Variants in PTPRD observed in about 807,000 individuals in gnomAD.
PTPRD encodes the protein protein tyrosine phosphatase receptor type D.
In PTPRD, 34 loss-of-function variants were observed where a neutral mutation model predicts 214.5. That is an observed-to-expected ratio of 0.16 (90% CI 0.12 to 0.21). The LOEUF (loss-of-function observed/expected upper bound fraction) is 0.21, where lower values mean the gene tolerates loss of function less well. Among genes scored for constraint, PTPRD ranks in the 10% least tolerant of loss-of-function variants. The pLI, the probability that PTPRD is intolerant of heterozygous loss-of-function variation, is 1.00. For synonymous variants in PTPRD, 1,128 were observed against 845.7 expected, an observed-to-expected ratio of 1.33 and a Z score of -5.79; for missense variants, 2,545 against 2,398.7, an observed-to-expected ratio of 1.06 and a Z score of -1.27.
At chr9:9,842,298 ATTTTTTTTTTTTT>A (rs138386194) in intron 5 of PTPRD, among the ~76,000 whole-genome samples, 77 of 91,402 alleles carry the variant, frequency 8.4e-4, no homozygotes, top group Admixed American at 4.4e-3. Context: ...GAAGGAGAGC[ATTTTTTTTTTTTT>A]TTTTTTTTTT....
chr9:9,037,099 A>G (rs1248513491), intron 10 of PTPRD, among the ~76,000 whole-genome samples: 1 of 152,176 alleles, frequency 6.6e-6, no homozygotes, highest in African/African-American at 2.4e-5. Flanking sequence ...AATAACAGGA[A>G]GTAACTCACT....
At chr9:10,202,668 A>G (rs2099431157) in intron 3 of PTPRD, among the ~76,000 whole-genome samples, 1 of 114,038 alleles carries the variant, frequency 8.8e-6, no homozygotes. Flanking sequence ...TAAAAATTAT[A>G]TGGATATATA....
chr9:8,589,274 G>A (rs1347427334), intron 14 of PTPRD, among the ~76,000 whole-genome samples: 1 of 152,138 alleles, frequency 6.6e-6, no homozygotes, highest in Admixed American at 6.5e-5. Flanking sequence ...CTGCTTCTCA[G>A]ATAAGTACAA....
At chr9:9,824,862 T>C (rs192569131) in intron 5 of PTPRD, among the ~76,000 whole-genome samples, 17 of 152,114 alleles carry the variant, frequency 1.1e-4, no homozygotes, top group Admixed American at 6.6e-4. Context: ...CCAGTATTCA[T>C]GTCCAGGCAC....
chr9:8,610,908 A>G (rs892270240), intron 14 of PTPRD, among the ~76,000 whole-genome samples: 1 of 152,258 alleles, frequency 6.6e-6, no homozygotes, highest in Admixed American at 6.5e-5. Flanking sequence ...GCCAGCTGCT[A>G]ACATGCTGAA....
intron 2 of PTPRD, among the ~76,000 whole-genome samples, chr9:10,540,234 G>A (rs989627991): frequency 1.3e-5 from 2 of 152,084 alleles, no homozygotes; most frequent in South Asian, 2.1e-4. Flanking sequence ...CACCATGCTG[G>A]CCAGACTGGT....
At chr9:8,950,368 C>A (rs1394062707) in intron 11 of PTPRD, among the ~76,000 whole-genome samples, 3 of 151,388 alleles carry the variant, frequency 2.0e-5, no homozygotes, top group Non-Finnish European at 4.4e-5. Context: ...AATTGACATC[C>A]AACATTTTAA....
At position 9,013,622 on chromosome 9, in the gene PTPRD, A is replaced by C. The variant is rs1294883590; in HGVS notation, c.-104+5075T>G. Among the ~76,000 whole-genome samples, 3 of 152,108 alleles carry C rather than the reference A, an allele frequency of 2.0e-5. No homozygotes were observed. In the South Asian group the frequency reaches 6.2e-4, roughly 31 times the overall value. Reference sequence around the variant, plus strand: ...TCTGTATATATGCATTGCAGGCAGCATTGGAGGGCAGTTAATTAACTATAA... The same window carrying C: ...TCTGTATATATGCATTGCAGGCAGCCTTGGAGGGCAGTTAATTAACTATAA... On this transcript the variant is annotated intron_variant, in intron 11 of 45. Transcript: ENST00000381196.
chr9:10,446,417 C>CTTTTTTTTTTTTTT (rs34478548), intron 2 of PTPRD, among the ~76,000 whole-genome samples: 7 of 92,962 alleles, frequency 7.5e-5, no homozygotes, highest in Non-Finnish European at 1.1e-4. Context: ...CTATTTTTTT[C>CTTTTTTTTTTTTTT]TTTTTTTTTT....
chr9:9,494,418 G>A (rs895146252), intron 8 of PTPRD, among the ~76,000 whole-genome samples: 1 of 152,150 alleles, frequency 6.6e-6, no homozygotes, highest in Non-Finnish European at 1.5e-5. Flanking sequence ...ATTCATTGTT[G>A]TTCTAAAGAA....
In PTPRD at chr9:8,709,527, AAAAAG is replaced by A. The variant is rs1189479037; in HGVS notation, c.64+24248_64+24252del. On this transcript the variant is annotated intron_variant, in intron 12 of 45. Transcript: ENST00000381196. ...GAGACTCCATCTCAAAAAAAAAAAA[AAAAAG>A]AAAAAGAAAAAGAAAAAGAAAAATG... Among the ~76,000 whole-genome samples the A allele has an allele frequency of 5.4e-4, 81 of 149,470 alleles. 4 individuals are homozygous for A. Among genetic ancestry groups the A allele is most frequent in the South Asian group, 4.2e-4 (2 of 4,734 alleles).
chr9:8,927,584 C>T (rs2098910470), intron 11 of PTPRD, among the ~76,000 whole-genome samples: 1 of 152,152 alleles, frequency 6.6e-6, no homozygotes, highest in Non-Finnish European at 1.5e-5. Context: ...ATATATGCCA[C>T]ATTTTCTTTA....
chr9:10,454,649 G>C (rs1432574285), intron 2 of PTPRD, among the ~76,000 whole-genome samples: 1 of 151,650 alleles, frequency 6.6e-6, no homozygotes, highest in Admixed American at 6.6e-5. Context: ...ATCAGAATGT[G>C]TTCATCCTGA....
intron 2 of PTPRD, among the ~76,000 whole-genome samples, chr9:10,609,242 G>A (rs2080305289): frequency 6.6e-6 from 1 of 151,944 alleles, no homozygotes; most frequent in Admixed American, 6.6e-5. Flanking sequence ...GAGACACATG[G>A]ATAGATATAT....
chr9:10,190,852 C>A (rs1478389856), intron 3 of PTPRD, among the ~76,000 whole-genome samples: 1 of 151,296 alleles, frequency 6.6e-6, no homozygotes, highest in Non-Finnish European at 1.5e-5. Context: ...TGAAGTAATA[C>A]ACAGGGTATG....
intron 5 of PTPRD, among the ~76,000 whole-genome samples, chr9:9,899,312 T>C (rs913011183): frequency 3.3e-4 from 50 of 152,114 alleles, no homozygotes; most frequent in African/African-American, 1.1e-3. Context: ...GTGCATCTAA[T>C]AAGGGATTAA....
chr9:9,833,282 G>A (rs1472749973), intron 5 of PTPRD, among the ~76,000 whole-genome samples: 1 of 151,908 alleles, frequency 6.6e-6, no homozygotes, highest in East Asian at 1.9e-4. Context: ...CTGGGCATCC[G>A]GGGGAAACAT....
intron 9 of PTPRD, among the ~76,000 whole-genome samples, chr9:9,378,627 T>G (rs1354444148): frequency 1.3e-5 from 2 of 152,154 alleles, no homozygotes; most frequent in Non-Finnish European, 2.9e-5. Flanking sequence ...TTTATATGTC[T>G]ACTAGTAATG....
chr9:8,455,364 C>G (rs965986304), intron 33 of PTPRD, among the ~76,000 whole-genome samples: 1 of 152,154 alleles, frequency 6.6e-6, no homozygotes, highest in African/African-American at 2.4e-5. Context: ...CTAGTTCATG[C>G]TTATAGATCC....
Sources: allele counts gnomAD v4.1 joint callset (sites outside exome capture counted in the v4.1 genomes callset), GRCh38; gene constraint gnomAD v4.1.1; transcripts MANE v1.5; gene names NCBI Gene and HGNC (gene_info 2026-07-23, HGNC 2026-07-21).